CNTN3: variants seen among roughly 807,000 people sequenced by gnomAD.
CNTN3 encodes contactin 3.
Under a neutral mutation model 119.1 loss-of-function variants are expected in CNTN3, and 60 were observed. That is an observed-to-expected ratio of 0.50 (90% CI 0.41 to 0.62). The LOEUF (loss-of-function observed/expected upper bound fraction) is 0.62, where lower values mean the gene tolerates loss of function less well. Among genes scored for constraint, CNTN3 ranks in the 20% least tolerant of loss-of-function variants. CNTN3 has a pLI of 0.00. For synonymous variants in CNTN3, 450 were observed against 438.7 expected (o/e 1.03, Z -0.32); for missense variants, 1,101 against 1,242.4 (o/e 0.89, Z 1.71).
chr3:74,407,726 C>A (rs1390641576), intron 5 of CNTN3, among the ~76,000 whole-genome samples: 2 of 151,892 alleles, frequency 1.3e-5, no homozygotes, highest in Non-Finnish European at 2.9e-5. Flanking sequence ...GACTTCACCA[C>A]AATGCAATAT....
intron 5 of CNTN3, among the ~76,000 whole-genome samples, chr3:74,404,320 C>T (rs1349238027): frequency 6.6e-6 from 1 of 152,018 alleles, no homozygotes; most frequent in Non-Finnish European, 1.5e-5. Flanking sequence ...CAACTAATTA[C>T]TTTTGCAATG....
intron 13 of CNTN3, among the ~76,000 whole-genome samples, chr3:74,328,583 C>T (rs1165566620): frequency 6.6e-6 from 1 of 152,174 alleles, no homozygotes; most frequent in Non-Finnish European, 1.5e-5. Context: ...AGGATTTCCA[C>T]TGGGGATGGC....
chr3:74,521,026 C>T (rs1317763342), intron 2 of CNTN3, 32 bp downstream of exon 2: 4 of 1,442,618 alleles, frequency 2.8e-6, no homozygotes, highest in East Asian at 2.4e-5. Flanking sequence ...TACTTCTAAC[C>T]TCAACTTAGA....
chr3:74,554,295 G>C (rs1259940235), intron 1 of CNTN3, among the ~76,000 whole-genome samples: 1 of 152,162 alleles, frequency 6.6e-6, no homozygotes, highest in Non-Finnish European at 1.5e-5. Context: ...TTTGGTACCA[G>C]TACAATGCTG....
chr3:74,609,393 G>A (rs1705043979), intron 1 of CNTN3, among the ~76,000 whole-genome samples: 1 of 152,172 alleles, frequency 6.6e-6, no homozygotes, highest in Admixed American at 6.5e-5. Flanking sequence ...ACCCAGCCTG[G>A]CACATTGCTT....
At chr3:74,367,486 C>T (rs371042600) in intron 8 of CNTN3, among the ~76,000 whole-genome samples, 1 of 151,848 alleles carries the variant, frequency 6.6e-6, no homozygotes, top group Non-Finnish European at 1.5e-5. Context: ...AATCTAATTT[C>T]TCCTTGCCAC....
At chr3:74,407,938 C>T (rs986008116) in intron 5 of CNTN3, among the ~76,000 whole-genome samples, 1 of 152,222 alleles carries the variant, frequency 6.6e-6, no homozygotes, top group Non-Finnish European at 1.5e-5. Context: ...TCACAGAGGC[C>T]ATATGCACAA....
At chr3:74,526,410 G>A (rs1264580907) in intron 1 of CNTN3, among the ~76,000 whole-genome samples, 2 of 151,798 alleles carry the variant, frequency 1.3e-5, no homozygotes, top group Non-Finnish European at 2.9e-5. Context: ...TTGAGACTGT[G>A]TATCCTGTCA....
At chr3:74,390,918 T>A (rs2106828160) in intron 5 of CNTN3, among the ~76,000 whole-genome samples, 1 of 152,310 alleles carries the variant, frequency 6.6e-6, no homozygotes, top group Non-Finnish European at 1.5e-5. Flanking sequence ...TGTGAAAGTA[T>A]TTCCTTTTAC....
intron 20 of CNTN3, among the ~76,000 whole-genome samples, chr3:74,281,957 A>G (rs1437839483): frequency 6.6e-6 from 1 of 152,234 alleles, no homozygotes; most frequent in Admixed American, 6.5e-5. Flanking sequence ...ACAAAGCAGA[A>G]TATTTATCCT....
chr3:74,525,491 T>G (rs1280966135), intron 1 of CNTN3, among the ~76,000 whole-genome samples: 3 of 151,802 alleles, frequency 2.0e-5, no homozygotes, highest in African/African-American at 7.2e-5. Flanking sequence ...TCTCCCCACT[T>G]CTGAAATCAC....
intron 13 of CNTN3, among the ~76,000 whole-genome samples, chr3:74,327,128 TTTTG>T (rs71129739): frequency 3.5e-5 from 5 of 142,156 alleles, no homozygotes; most frequent in African/African-American, 7.8e-5. Flanking sequence ...TTTTTTTTTT[TTTTG>T]TTTGTTTGTT....
chr3:74,545,933 C>T (rs1472459249), intron 1 of CNTN3, among the ~76,000 whole-genome samples: 1 of 152,088 alleles, frequency 6.6e-6, no homozygotes, highest in Non-Finnish European at 1.5e-5. Context: ...TCAACCACAC[C>T]ATCTCTTACT....
At chr3:74,407,008 G>T (rs1460033557) in intron 5 of CNTN3, among the ~76,000 whole-genome samples, 1 of 152,138 alleles carries the variant, frequency 6.6e-6, no homozygotes, top group Non-Finnish European at 1.5e-5. Context: ...AAATTTTCCT[G>T]CTAAGAAGCA....
intron 1 of CNTN3, among the ~76,000 whole-genome samples, chr3:74,609,391 T>C (rs956213157): frequency 6.6e-6 from 1 of 152,212 alleles, no homozygotes; most frequent in Non-Finnish European, 1.5e-5. Context: ...AAACCCAGCC[T>C]GGCACATTGC....
At position 74,521,657 on chromosome 3, in the gene CNTN3, C is replaced by CATTGATT. The variant is rs1575805867; in HGVS notation, c.-80-466_-80-465insAATCAAT. Among the ~76,000 whole-genome samples the CATTGATT allele has an allele frequency of 1.3e-5, 2 of 151,828 alleles. 1 individual carries two copies. The highest frequency in any genetic ancestry group is 3.9e-4 in the East Asian group (2 of 5,132). ...TAGCATTATCAATGTCCATCTTAGA[C>CATTGATT]CTATTTTTTTAGAAAACTGCAGAAA... On this transcript the variant is annotated intron_variant, in intron 1 of 22. Transcript: ENST00000263665.
chr3:74,396,134 C>A (rs921428130), intron 5 of CNTN3, among the ~76,000 whole-genome samples: 2 of 151,926 alleles, frequency 1.3e-5, no homozygotes, highest in South Asian at 2.1e-4. Flanking sequence ...GAAATTAGGC[C>A]AATTAATTAT....
intron 11 of CNTN3, among the ~76,000 whole-genome samples, chr3:74,338,495 C>CGT (rs10661320): frequency 0.73 from 108,909 of 149,318 alleles, 40,234 homozygotes; most frequent in African/African-American, 0.88. Context: ...TACACACGTG[C>CGT]GTGTGTGTGT....
At chr3:74,544,621 C>A (rs1703887967) in intron 1 of CNTN3, among the ~76,000 whole-genome samples, 1 of 151,952 alleles carries the variant, frequency 6.6e-6, no homozygotes, top group South Asian at 2.1e-4. Context: ...GTGCGGGGGA[C>A]AGAGTCTTGC....
Sources: gnomAD v4.1 joint callset for allele counts (sites outside exome capture counted in the v4.1 genomes callset) on GRCh38, gnomAD v4.1.1 for gene constraint, MANE v1.5 for transcripts, NCBI Gene and HGNC (gene_info 2026-07-23, HGNC 2026-07-21) for gene names.